Variants in ALOX5 observed in about 807,000 individuals in gnomAD.
ALOX5 encodes arachidonate 5-lipoxygenase, also known as polyunsaturated fatty acid 5-lipoxygenase.
A neutral mutation model predicts 87.9 loss-of-function variants in ALOX5; 64 were observed. The observed-to-expected ratio is 0.73, with a 90% CI of 0.60 to 0.90. The LOEUF (loss-of-function observed/expected upper bound fraction) is 0.90. Among genes scored for constraint, ALOX5 ranks in the 40% least tolerant of loss-of-function variants. The pLI is 0.00. For synonymous variants in ALOX5, 388 were observed against 355.1 expected, an observed-to-expected ratio of 1.09 and a Z score of -1.04; for missense variants, 822 against 907.5, an observed-to-expected ratio of 0.91 and a Z score of 1.21.
intron 2 of ALOX5, among the ~76,000 whole-genome samples, chr10:45,387,283 G>A (rs534064043): frequency 6.6e-5 from 10 of 152,080 alleles, no homozygotes; most frequent in Non-Finnish European, 1.5e-4. Context: ...CTCTGTGTAG[G>A]CACGACAGGA....
At chr10:45,426,350 A>G (rs1312612533) in intron 6 of ALOX5, among the ~76,000 whole-genome samples, 1 of 152,196 alleles carries the variant, frequency 6.6e-6, no homozygotes, top group Non-Finnish European at 1.5e-5. Context: ...GTGGGTTATG[A>G]GTCACCTTTC....
chr10:45,381,495 G>A (rs1036456274), intron 1 of ALOX5, among the ~76,000 whole-genome samples: 12 of 152,230 alleles, frequency 7.9e-5, no homozygotes, highest in African/African-American at 2.9e-4. Context: ...GAGCCTCGCT[G>A]TCTTCATCTG....
intron 1 of ALOX5, among the ~76,000 whole-genome samples, chr10:45,381,870 G>A (rs1170029844): frequency 6.6e-6 from 1 of 152,242 alleles, no homozygotes; most frequent in East Asian, 1.9e-4. Context: ...ATGAATTCAG[G>A]AGTTCATTTA....
At chr10:45,441,761 A>G (rs1842243538) in intron 9 of ALOX5, among the ~76,000 whole-genome samples, 1 of 151,430 alleles carries the variant, frequency 6.6e-6, no homozygotes, top group Non-Finnish European at 1.5e-5. Context: ...CGCACCAGGA[A>G]CCTGTGTCTG....
chr10:45,420,612 CT>C (rs1841467033), intron 4 of ALOX5, among the ~76,000 whole-genome samples: 1 of 152,234 alleles, frequency 6.6e-6, no homozygotes, highest in Non-Finnish European at 1.5e-5. Flanking sequence ...CCGAGGAGGC[CT>C]TCCCCGTTAA....
At chr10:45,427,480 G>A (rs1841754423) in intron 6 of ALOX5, among the ~76,000 whole-genome samples, 1 of 152,238 alleles carries the variant, frequency 6.6e-6, no homozygotes, top group Admixed American at 6.5e-5. Context: ...AAGGAGGAGG[G>A]CGGTGGCCAG....
At chr10:45,445,370 AG>A in intron 13 of ALOX5, 137 bp from the exon 14 acceptor site, 1 of 1,046,758 alleles carries the variant, frequency 9.6e-7, no homozygotes. Context: ...CAGGCAGCAG[AG>A]GGTGAATATG....
In ALOX5 at chr10:45,443,433, T is replaced by C; in HGVS notation, c.1469T>C (p.Val490Ala). The C allele has an allele frequency of 6.2e-7, 1 of 1,607,646 alleles. No homozygotes were observed. The highest frequency in any genetic ancestry group is 8.5e-7 in the Non-Finnish European group (1 of 1,177,434). ...EAIRTFTAEV[V>A]DIYYEGDQVV... ...TGAGCCAGGTTCACGGCCGAGGTGG[T>C]AGACATCTACTACGAGGGCGACCAG... is the stretch of plus-strand genomic sequence containing the variant. The change falls in exon 11 of 14, where the codon GTA (valine) becomes GCA (alanine). Residue 490 changes from valine to alanine, a missense_variant. Coordinates refer to ENST00000374391, the MANE Select transcript of ALOX5 (RefSeq NM_000698.5).
intron 3 of ALOX5, among the ~76,000 whole-genome samples, chr10:45,400,551 A>G (rs1013490157): frequency 1.3e-5 from 2 of 152,164 alleles, no homozygotes; most frequent in African/African-American, 4.8e-5. Flanking sequence ...GTGAGCCTAG[A>G]TCCCGCCACT....
intron 9 of ALOX5, among the ~76,000 whole-genome samples, chr10:45,442,162 T>C (rs940877296): frequency 6.6e-6 from 1 of 152,168 alleles, no homozygotes; most frequent in African/African-American, 2.4e-5. Flanking sequence ...ATCCAGGGAC[T>C]CAAGCAATGC....
intron 7 of ALOX5, among the ~76,000 whole-genome samples, chr10:45,436,696 A>G (rs1842070957): frequency 6.6e-6 from 1 of 152,068 alleles, no homozygotes; most frequent in East Asian, 1.9e-4. Context: ...TGATGCCTCC[A>G]GCTTTGTATT....
intron 4 of ALOX5, among the ~76,000 whole-genome samples, chr10:45,412,953 C>G (rs1480221273): frequency 6.6e-6 from 1 of 152,180 alleles, no homozygotes; most frequent in Non-Finnish European, 1.5e-5. Flanking sequence ...ATGGATCCCC[C>G]GACCCTATCC....
At position 45,374,226 on chromosome 10, in the gene ALOX5, A is replaced by G. The variant is rs1031531169; in HGVS notation, c.-54A>G. ...GGAGGCTGCGGCGCTAGATGCGGACACCTGGACCGCCGCGCCGAGGCTCCC... is the reference window on the plus strand; with the variant it reads ...GGAGGCTGCGGCGCTAGATGCGGACGCCTGGACCGCCGCGCCGAGGCTCCC... On this transcript the variant is annotated 5_prime_UTR_variant, in exon 1 of 14. Coordinates refer to ENST00000374391, the MANE Select transcript of ALOX5 (RefSeq NM_000698.5). The G allele has an allele frequency of 6.3e-6, 9 of 1,436,030 alleles. No homozygotes were observed. In the African/African-American group the frequency reaches 1.0e-4, roughly 17 times the overall value. 89.0% of individuals were successfully genotyped at this position (1,436,030 alleles called of 1,614,324 possible).
intron 4 of ALOX5, among the ~76,000 whole-genome samples, chr10:45,417,447 T>C (rs892921606): frequency 9.2e-5 from 14 of 152,090 alleles, no homozygotes; most frequent in African/African-American, 3.4e-4. Context: ...CCACATATGG[T>C]TGCATCTATT....
rs776370912 is a variant in ALOX5 at position 45,393,503 on chromosome 10, A to ATC, written c.350-2352_350-2351insTC. 2.6e-3 allele frequency among the ~76,000 whole-genome samples: 394 copies of ATC among 152,246 alleles called. 3 individuals are homozygous for ATC. The highest frequency in any genetic ancestry group is 3.4e-3 in the Non-Finnish European group (229 of 68,006). On this transcript the variant is annotated intron_variant, in intron 2 of 13. Transcript: ENST00000374391. ...CAAACCCACAACCAATATCATACTG[A>ATC]ATGGGCAAAAACTGGAAGCATTCCC...
intron 2 of ALOX5, among the ~76,000 whole-genome samples, chr10:45,384,172 C>T (rs987329332): frequency 4.6e-5 from 7 of 152,104 alleles, no homozygotes; most frequent in Non-Finnish European, 1.0e-4. Context: ...GAGACAGCAC[C>T]CTTGGAGGAG....
chr10:45,374,803 T>C (rs1184227738), intron 1 of ALOX5, among the ~76,000 whole-genome samples: 8 of 152,182 alleles, frequency 5.3e-5, no homozygotes, highest in Non-Finnish European at 1.2e-4. Context: ...GCGTTTCTTG[T>C]GCCACCTCTT....
chr10:45,406,111 T>C (rs1269709116), intron 3 of ALOX5, among the ~76,000 whole-genome samples: 2 of 152,210 alleles, frequency 1.3e-5, no homozygotes, highest in Non-Finnish European at 1.5e-5. Flanking sequence ...TCTCCAGTCC[T>C]GTGAAAGTTG....
At chr10:45,409,193 C>T (rs1419403886) in intron 3 of ALOX5, among the ~76,000 whole-genome samples, 1 of 152,222 alleles carries the variant, frequency 6.6e-6, no homozygotes, top group Non-Finnish European at 1.5e-5. Context: ...ACCTCACTTC[C>T]ATTTTCTGTA....
Sources: allele counts gnomAD v4.1 joint callset (sites outside exome capture counted in the v4.1 genomes callset), GRCh38; gene constraint gnomAD v4.1.1; transcripts MANE v1.5; gene names NCBI Gene and HGNC (gene_info 2026-07-23, HGNC 2026-07-21).